Variants in YEATS2 observed in about 807,000 individuals in gnomAD.
YEATS2 encodes the protein YEATS domain containing 2.
Under a neutral mutation model 163.2 loss-of-function variants are expected in YEATS2, and 77 were observed. The observed-to-expected ratio is 0.47, with a 90% confidence interval of 0.39 to 0.57. The LOEUF is 0.57. Among genes scored for constraint, YEATS2 ranks in the 20% least tolerant of loss-of-function variants. YEATS2 has a pLI of 0.00. For synonymous variants in YEATS2, 631 were observed against 645.1 expected, an observed-to-expected ratio of 0.98 and a Z score of 0.33; for missense variants, 1,549 against 1,729.8, an observed-to-expected ratio of 0.90 and a Z score of 1.85.
intron 21 of YEATS2, among the ~76,000 whole-genome samples, chr3:183,795,003 C>G (rs2108497756): frequency 9.7e-6 from 1 of 102,926 alleles, no homozygotes; most frequent in Non-Finnish European, 2.1e-5. Context: ...GACCCCATTT[C>G]TTAAAAAAAA....
chr3:183,766,380 A>G (rs769391070), intron 15 of YEATS2, among the ~76,000 whole-genome samples: 4 of 152,272 alleles, frequency 2.6e-5, no homozygotes, highest in Non-Finnish European at 5.9e-5. Context: ...TGAGCACTTA[A>G]CTTGTAAACA....
At chr3:183,788,701 A>G in intron 20 of YEATS2, among the ~76,000 whole-genome samples, 1 of 152,266 alleles carries the variant, frequency 6.6e-6, no homozygotes, top group South Asian at 2.1e-4. Context: ...TTCTATTTTC[A>G]GTTTTTTGAG....
chr3:183,748,441 G>A (rs767117696), intron 9 of YEATS2, among the ~76,000 whole-genome samples: 5 of 151,496 alleles, frequency 3.3e-5, no homozygotes, highest in African/African-American at 4.9e-5. Context: ...TAGTAGAGAC[G>A]GGGTTTCACT....
At chr3:183,729,676 AT>A (rs10708141) in intron 7 of YEATS2, among the ~76,000 whole-genome samples, 106,743 of 148,026 alleles carry the variant, frequency 0.72, 39,106 homozygotes, top group East Asian at 0.96. Context: ...TGTTCTTTAC[AT>A]TTTTTTTTTT....
chr3:183,772,747 A>G (rs1722598187), intron 16 of YEATS2, among the ~76,000 whole-genome samples, 184 bp downstream of exon 16: 1 of 146,298 alleles, frequency 6.8e-6, no homozygotes, highest in Non-Finnish European at 1.5e-5. Context: ...GTGAGTATTT[A>G]GCTTTAAATT....
intron 5 of YEATS2, among the ~76,000 whole-genome samples, chr3:183,723,999 A>G (rs968079586): frequency 1.3e-5 from 2 of 152,210 alleles, no homozygotes; most frequent in Non-Finnish European, 2.9e-5. Context: ...TTATATAGCA[A>G]ACATTTAGCA....
At chr3:183,807,940 C>G (rs1164200880) in intron 28 of YEATS2, 90 bp from the exon 29 acceptor site, 1 of 1,072,128 alleles carries the variant, frequency 9.3e-7, no homozygotes, top group Non-Finnish European at 1.4e-6. Context: ...AACCAGGCAT[C>G]GCTTTGCATG....
chr3:183,729,313 T>A (rs1717465895), intron 7 of YEATS2, among the ~76,000 whole-genome samples: 1 of 152,072 alleles, frequency 6.6e-6, no homozygotes, highest in Non-Finnish European at 1.5e-5. Flanking sequence ...TCTCTCAGAT[T>A]ACTGTCTCAC....
chr3:183,702,901 C>T (rs189951921), intron 1 of YEATS2, among the ~76,000 whole-genome samples: 1 of 151,978 alleles, frequency 6.6e-6, no homozygotes, highest in East Asian at 1.9e-4. Context: ...TGGAGAGAAG[C>T]AGTGGCATGG....
chr3:183,720,946 C>G (rs1716425091), intron 4 of YEATS2, among the ~76,000 whole-genome samples: 2 of 152,134 alleles, frequency 1.3e-5, no homozygotes, highest in African/African-American at 4.8e-5. Flanking sequence ...CTCTGTGTGT[C>G]TGTGTCCAAG....
chr3:183,755,520 C>G (rs781145518), intron 11 of YEATS2, among the ~76,000 whole-genome samples: 2 of 152,068 alleles, frequency 1.3e-5, no homozygotes, highest in Non-Finnish European at 2.9e-5. Context: ...TAAAGAAATT[C>G]ATGGATGACG....
intron 1 of YEATS2, among the ~76,000 whole-genome samples, chr3:183,713,562 C>T (rs1446736444): frequency 6.6e-6 from 1 of 151,890 alleles, no homozygotes; most frequent in Non-Finnish European, 1.5e-5. Context: ...GACTCCGTCT[C>T]AATCAATCAA....
intron 15 of YEATS2, among the ~76,000 whole-genome samples, chr3:183,765,803 C>G (rs1285163827): frequency 2.0e-5 from 3 of 151,968 alleles, no homozygotes; most frequent in African/African-American, 4.8e-5. Context: ...AAAAATTAGC[C>G]AGACATGGTG....
intron 21 of YEATS2, chr3:183,793,310 T>C (rs1724835545): frequency 2.6e-5 from 29 of 1,106,918 alleles, no homozygotes; most frequent in Non-Finnish European, 3.0e-5. Context: ...GTGTCTTGTT[T>C]GGATAGAGAA....
rs149070763 is a variant in YEATS2, at chr3:183,803,074, G to A, written c.3503-182G>A. ...AAGGTGTGTTGCTTTGAGTACACAC[G>A]GCAAGACACCTTCTCTTCTGAGGAG... On this transcript the variant is annotated intron_variant, in intron 25 of 30. Transcript: ENST00000305135. The A allele has an allele frequency of 7.7e-3, 4,849 of 627,400 alleles. 19 individuals are homozygous for A. Among genetic ancestry groups the A allele is most frequent in the Non-Finnish European group, 9.3e-3 (3,311 of 354,856 alleles). 38.9% of individuals were successfully genotyped at this position (627,400 alleles called of 1,614,324 possible). A position where few individuals can be genotyped will look rare whatever the true frequency, so the allele number is the denominator to read the frequency against.
chr3:183,762,020 G>A (rs2109350666), intron 14 of YEATS2, 77 bp from the exon 15 acceptor site: 2 of 1,581,578 alleles, frequency 1.3e-6, no homozygotes, highest in Admixed American at 1.7e-5. Flanking sequence ...TGCAAACGGA[G>A]AAGAGTCAGA....
chr3:183,755,712 G>A (rs73175319), intron 11 of YEATS2, among the ~76,000 whole-genome samples: 4,523 of 106,626 alleles, frequency 0.042, 118 homozygotes, highest in Non-Finnish European at 0.063. Flanking sequence ...AAATCTAGCT[G>A]TTTACTTACT....
At chr3:183,793,952 A>G (rs561337538) in intron 21 of YEATS2, among the ~76,000 whole-genome samples, 1 of 152,164 alleles carries the variant, frequency 6.6e-6, no homozygotes, top group East Asian at 1.9e-4. Context: ...CCTACTTAAA[A>G]CCAGCAGTTT....
intron 3 of YEATS2, 97 bp from the exon 4 acceptor site, chr3:183,718,403 T>C: frequency 1.1e-6 from 1 of 888,208 alleles, no homozygotes; most frequent in African/African-American, 1.7e-5. Flanking sequence ...TTGAGCTTTT[T>C]TTTTTCACTC....
Sources: allele counts gnomAD v4.1 joint callset (sites outside exome capture counted in the v4.1 genomes callset), GRCh38; gene constraint gnomAD v4.1.1; transcripts MANE v1.5; gene names NCBI Gene and HGNC (gene_info 2026-07-23, HGNC 2026-07-21).